Variants in EGFR observed in about 807,000 individuals in gnomAD.
The protein encoded by EGFR is epidermal growth factor receptor.
In EGFR, 58 loss-of-function variants were observed where a neutral mutation model predicts 143.0. The ratio of observed to expected loss-of-function variants is 0.41; its 90% CI spans 0.33 to 0.50. The LOEUF is 0.50. EGFR is among the 20% of genes least tolerant of loss of function. The pLI is 0.39. For missense variants in EGFR, 1,307 were observed against 1,579.0 expected, an observed-to-expected ratio of 0.83 and a Z score of 2.92; for synonymous variants, 613 against 594.4, an observed-to-expected ratio of 1.03 and a Z score of -0.45.
chr7:55,104,637 C>T (rs754567355), intron 1 of EGFR, among the ~76,000 whole-genome samples: 1 of 152,154 alleles, frequency 6.6e-6, no homozygotes, highest in East Asian at 1.9e-4. Context: ...GGAAATATGT[C>T]GGCGTGTGAA....
rs121913418 is a variant in EGFR, at chr7:55,174,818, G to A, written c.2281G>A (p.Asp761Asn). 5.6e-6 allele frequency: 9 copies of A among 1,613,330 alleles called. No individual in the cohort carries two copies. Among genetic ancestry groups the A allele is most frequent in the African/African-American group, 1.3e-5 (1 of 74,920 alleles). Residue 761 changes from aspartate to asparagine, a missense_variant and splice_region_variant, in exon 19 of 28, where the codon GAT becomes AAT. Transcript: ENST00000275493. Reference protein sequence around the residue: ...TSPKANKEILDEAYVMASVDN... With the variant: ...TSPKANKEILNEAYVMASVDN... ...TCCGAAAGCCAACAAGGAAATCCTCGATGTGAGTTTCTGCTTTGCTGTGTG... is the reference window on the plus strand; with the variant it reads ...TCCGAAAGCCAACAAGGAAATCCTCAATGTGAGTTTCTGCTTTGCTGTGTG...
chr7:55,160,715 TC>T (rs1785654174), intron 12 of EGFR, among the ~76,000 whole-genome samples: 1 of 152,212 alleles, frequency 6.6e-6, no homozygotes, highest in Non-Finnish European at 1.5e-5. Context: ...CATCAACACT[TC>T]CTGTTCTGGC....
Position 55,171,214 on chromosome 7 carries a change from G to T in EGFR, c.1919+1G>T. On this transcript the variant is annotated splice_donor_variant, in intron 16 of 27. Transcript: ENST00000275493. LOFTEE classifies it high-confidence loss of function. ...GTCTTGAAGGCTGTCCAACGAATGG[G>T]TAAGTGTTCACAGCTCTGTGTCACA... The T allele has an allele frequency of 6.2e-7, 1 of 1,614,220 alleles. No homozygotes were observed. Among genetic ancestry groups the T allele is most frequent in the Non-Finnish European group, 8.5e-7 (1 of 1,180,046 alleles).
intron 1 of EGFR, among the ~76,000 whole-genome samples, chr7:55,034,847 C>G (rs185690557): frequency 1.3e-5 from 2 of 152,196 alleles, no homozygotes; most frequent in Non-Finnish European, 2.9e-5. Context: ...GAAAAGCTAA[C>G]GGTTCAAAGT....
chr7:55,036,367 A>G (rs776312212), intron 1 of EGFR, among the ~76,000 whole-genome samples: 1 of 149,612 alleles, frequency 6.7e-6, no homozygotes, highest in Admixed American at 6.8e-5. Flanking sequence ...TTTTCAGGAT[A>G]GGTGTCCTAA....
At chr7:55,077,821 G>C (rs1790218955) in intron 1 of EGFR, among the ~76,000 whole-genome samples, 1 of 152,192 alleles carries the variant, frequency 6.6e-6, no homozygotes, top group African/African-American at 2.4e-5. Context: ...GTAGTTTCCA[G>C]ATGCAGGCCC....
intron 15 of EGFR, among the ~76,000 whole-genome samples, chr7:55,169,038 A>G (rs1300630894): frequency 1.3e-5 from 2 of 151,570 alleles, no homozygotes; most frequent in Non-Finnish European, 1.5e-5. Flanking sequence ...CAAAAGCCCT[A>G]CCTTCCAACC....
intron 1 of EGFR, among the ~76,000 whole-genome samples, chr7:55,136,047 G>A (rs555263700): frequency 1.8e-4 from 27 of 152,056 alleles, no homozygotes; most frequent in Admixed American, 3.3e-4. Context: ...TTAACAACAC[G>A]GTGTATCTTC....
chr7:55,161,198 G>A (rs1584191847), intron 12 of EGFR, among the ~76,000 whole-genome samples: 1 of 152,246 alleles, frequency 6.6e-6, no homozygotes, highest in East Asian at 1.9e-4. Context: ...TGCCAAAGGG[G>A]AGGACTCACG....
rs967910623 is a variant in EGFR, at chr7:55,198,839, G to A, written c.2824G>A (p.Asp942Asn). Reference sequence around the variant, plus strand: ...CCCTCAGCCACCCATATGTACCATCGATGTCTACATGATCATGGTCAAGTG... The same window carrying A: ...CCCTCAGCCACCCATATGTACCATCAATGTCTACATGATCATGGTCAAGTG... ...RLPQPPICTI[D>N]VYMIMVKCWM... The change falls in exon 23 of 28, where the codon GAT becomes AAT. Residue 942 changes from aspartate (D) to asparagine (N), a missense_variant. Physicochemically the swap from Asp to Asn is conservative, Grantham distance 23. This residue lies in a region of EGFR where 348 missense variants were observed against 451.5 expected (regional missense o/e 0.77). Transcript: ENST00000275493. 8.7e-6 allele frequency: 14 copies of A among 1,614,040 alleles called. No homozygotes were observed. The highest frequency in any genetic ancestry group is 1.2e-5 in the Non-Finnish European group (14 of 1,180,044).
At chr7:55,181,250 C>T (rs770006090) in intron 19 of EGFR, 43 bp from the exon 20 acceptor site, 1 of 1,610,862 alleles carries the variant, frequency 6.2e-7, no homozygotes, top group Non-Finnish European at 8.5e-7. Flanking sequence ...CTCCTTCTGG[C>T]CACCATGCGA....
chr7:55,029,319 T>C (rs1378650270), intron 1 of EGFR, among the ~76,000 whole-genome samples: 1 of 152,220 alleles, frequency 6.6e-6, no homozygotes, highest in Non-Finnish European at 1.5e-5. Flanking sequence ...TCCTTATAGA[T>C]GTTTCTTGAT....
At chr7:55,179,948 T>G (rs1236547087) in intron 19 of EGFR, 1 of 152,156 alleles carries the variant, frequency 6.6e-6, no homozygotes, top group Non-Finnish European at 1.5e-5. Context: ...ATCCTCACAT[T>G]TTGATATTTA....
intron 1 of EGFR, among the ~76,000 whole-genome samples, chr7:55,033,255 C>A (rs555683566): frequency 2.0e-5 from 3 of 152,276 alleles, no homozygotes; most frequent in Middle Eastern, 6.8e-3. Context: ...TATGAATATA[C>A]AAAGCAAATG....
At chr7:55,170,643 C>T in intron 15 of EGFR, 1 of 1,599,114 alleles carries the variant, frequency 6.3e-7, no homozygotes, top group Non-Finnish European at 8.5e-7. Context: ...CATTTCCTTC[C>T]TTCCACTCCC....
intron 1 of EGFR, among the ~76,000 whole-genome samples, chr7:55,051,778 C>G (rs1051135819): frequency 3.3e-5 from 5 of 152,184 alleles, no homozygotes; most frequent in African/African-American, 9.7e-5. Flanking sequence ...TCATGCCACC[C>G]TATCACCCAC....
In EGFR at chr7:55,161,629, G is replaced by T. The variant is rs1785709734; in HGVS notation, c.1629G>T (p.Glu543Asp). The change falls in exon 13 of 28, where the codon GAG becomes GAT. Residue 543 changes from glutamate to aspartate, a missense_variant and splice_region_variant. Glu to Asp is a conservative substitution (Grantham distance 45, BLOSUM62 2). Around this residue, in one of 7 missense-constraint regions of EGFR, gnomAD observed 250 missense variants for 295.1 expected, o/e 0.85. Coordinates refer to ENST00000275493, the MANE Select transcript of EGFR (RefSeq NM_005228.5). ...GCGTGGACAAGTGCAACCTTCTGGA[G>T]GGGTAGGAGGTTATTTCTTTAATCC... is the stretch of plus-strand genomic sequence containing the variant. ...RECVDKCNLLEGEPREFVENS... is the reference protein window; with the variant it reads ...RECVDKCNLLDGEPREFVENS... 4 of 1,614,272 alleles carry T rather than the reference G, an allele frequency of 2.5e-6. No homozygotes were observed. The highest frequency in any genetic ancestry group is 3.4e-6 in the Non-Finnish European group (4 of 1,180,044).
intron 1 of EGFR, among the ~76,000 whole-genome samples, chr7:55,022,063 C>T (rs1786600394): frequency 1.3e-5 from 2 of 152,312 alleles, no homozygotes; most frequent in South Asian, 4.1e-4. Context: ...ATGAGCCTGT[C>T]TGAAGCTTCA....
chr7:55,098,813 G>A (rs1167525663), intron 1 of EGFR, among the ~76,000 whole-genome samples: 1 of 152,196 alleles, frequency 6.6e-6, no homozygotes, highest in Admixed American at 6.5e-5. Context: ...TTGTTAAAAA[G>A]ATTCAACAAA....
Sources: gnomAD v4.1 joint callset for allele counts (sites outside exome capture counted in the v4.1 genomes callset) on GRCh38, gnomAD v4.1.1 for gene constraint, gnomAD v4.1.1 regional missense constraint, MANE v1.5 for transcripts, NCBI Gene and HGNC (gene_info 2026-07-23, HGNC 2026-07-21) for gene names.